The following ARAP1 variants were observed in gnomAD, a reference collection of about 807,000 sequenced individuals.
ARAP1 encodes the protein arf-GAP with Rho-GAP domain, ANK repeat and PH domain-containing protein 1.
ARAP1 carries 76 observed loss-of-function variants against 172.2 expected under a neutral mutation model. The ratio of observed to expected loss-of-function variants is 0.44; its 90% CI spans 0.37 to 0.53. ARAP1 has a LOEUF of 0.53. ARAP1 is among the 20% of genes least tolerant of loss of function. The probability of loss-of-function intolerance (pLI) is 0.00; values close to 1 mark genes in which losing one functional copy is unlikely to be tolerated. For missense variants in ARAP1, 1,686 were observed against 1,977.5 expected (o/e 0.85, Z 2.80); for synonymous variants, 804 against 803.3 (o/e 1.00, Z -0.01).
intron 1 of ARAP1, among the ~76,000 whole-genome samples, chr11:72,746,158 C>A (rs1319545879): frequency 6.6e-6 from 1 of 152,140 alleles, no homozygotes; most frequent in Non-Finnish European, 1.5e-5. Context: ...ACCAGCCCTC[C>A]CCAACCCCGC....
chr11:72,701,831 G>A (rs773702330), intron 15 of ARAP1, 48 bp from the exon 16 acceptor site: 2 of 1,600,624 alleles, frequency 1.2e-6, no homozygotes, highest in South Asian at 1.1e-5. Flanking sequence ...CACCCAAGAG[G>A]GTGTCCCCAC....
At position 72,697,906 on chromosome 11, in the gene ARAP1, C is replaced by T. The variant is rs547275619; in HGVS notation, c.2737+5G>A. 2.5e-6 allele frequency: 4 copies of T among 1,588,302 alleles called. No individual in the cohort carries two copies. The highest frequency in any genetic ancestry group is 1.3e-5 in the African/African-American group (1 of 74,428). On this transcript the variant is annotated splice_donor_5th_base_variant and intron_variant, in intron 19 of 34. Coordinates refer to ENST00000393609, the MANE Select transcript of ARAP1 (RefSeq NM_001040118.3). ...AGGCTGGGGGCCCAGGTCTGGTCCACGCACAAAGCTCCTGCAGTTTCCGTA... is the reference window on the plus strand; with the variant it reads ...AGGCTGGGGGCCCAGGTCTGGTCCATGCACAAAGCTCCTGCAGTTTCCGTA...
Position 72,687,441 on chromosome 11 carries a change from G to T in ARAP1, c.4183C>A (p.Gln1395Lys). Residue 1395 changes from glutamine to lysine, a missense_variant and splice_region_variant, in exon 33 of 35, where the codon CAG becomes AAG. Physicochemically the swap from Gln to Lys is moderately conservative, Grantham distance 53. Transcript: ENST00000393609. Reference sequence around the variant, plus strand: ...ACCCCACACTCTGCACCTGGTACCTGCACAAACAGAAAGGTAGCGAACCAC... The same window carrying T: ...ACCCCACACTCTGCACCTGGTACCTTCACAAACAGAAAGGTAGCGAACCAC... ...REWFATFLFVQHDGLVWPSEP... is the reference protein window; with the variant it reads ...REWFATFLFVKHDGLVWPSEP... The T allele has an allele frequency of 6.2e-7, 1 of 1,614,178 alleles. No individual in the cohort carries two copies. The highest frequency in any genetic ancestry group is 1.1e-5 in the South Asian group (1 of 91,090).
chr11:72,704,095 A>C, intron 14 of ARAP1, 57 bp downstream of exon 14: 1 of 1,604,440 alleles, frequency 6.2e-7, no homozygotes, highest in Non-Finnish European at 8.5e-7. Flanking sequence ...CATGAGGAAC[A>C]GGGCAGCAGA....
chr11:72,697,057 A>G lies in ARAP1; in HGVS notation c.3092T>C (p.Leu1031Pro). ...AGGCAGGTCGCGCAGGAAGCGCTTG[A>G]GCGCCGAGGAAACATCATCCACGTG... ...EQHVDDVSSALKRFLRDLPDG... is the reference protein window; with the variant it reads ...EQHVDDVSSAPKRFLRDLPDG... Residue 1031 changes from leucine (L) to proline (P), a missense_variant, in exon 22 of 35, where the codon CTC becomes CCC. Around this residue, in one of 5 missense-constraint regions of ARAP1, gnomAD observed 274 missense variants for 262.7 expected, o/e 1.04. Transcript: ENST00000393609. 1 of 1,610,332 alleles carries G rather than the reference A, an allele frequency of 6.2e-7. No homozygotes were observed. Among genetic ancestry groups the G allele is most frequent in the Non-Finnish European group, 8.5e-7 (1 of 1,179,934 alleles).
At chr11:72,749,486 T>C (rs1013613501) in intron 1 of ARAP1, among the ~76,000 whole-genome samples, 1 of 152,206 alleles carries the variant, frequency 6.6e-6, no homozygotes, top group Admixed American at 6.5e-5. Flanking sequence ...ACTTCCACTA[T>C]GATATTGGAG....
intron 33 of ARAP1, among the ~76,000 whole-genome samples, chr11:72,686,430 C>T (rs1039085085): frequency 1.1e-4 from 17 of 152,146 alleles, no homozygotes; most frequent in African/African-American, 4.1e-4. Flanking sequence ...CCTCCAAGAA[C>T]CAAGAAAACA....
Position 72,693,777 on chromosome 11 carries a change from C to G in ARAP1, c.3723G>C (p.Val1241=). The part of the protein sequence containing the change: ...AERPLHFAEK[V]LPILHGLGTD... The stretch of plus-strand genomic sequence containing the variant: ...TGCCCAGCCCGTGCAGGATGGGCAG[C>G]ACCTTCTCCGCAAAGTGCAGGGGGC... Residue 1241 remains valine (V), a synonymous_variant, in exon 28 of 35, where the codon GTG becomes GTC. Coordinates refer to ENST00000393609, the MANE Select transcript of ARAP1 (RefSeq NM_001040118.3). This position sits in a 1 kb window ranked among gnomAD's most constrained non-coding sequence, Gnocchi z 4.6. 6.2e-7 allele frequency: 1 copy of G among 1,608,338 alleles called. No individual in the cohort carries two copies. The highest frequency in any genetic ancestry group is 1.7e-4 in the Middle Eastern group (1 of 6,048).
At chr11:72,727,861 C>A (rs1052998855) in intron 2 of ARAP1, among the ~76,000 whole-genome samples, 1 of 152,206 alleles carries the variant, frequency 6.6e-6, no homozygotes, top group South Asian at 2.1e-4. Flanking sequence ...TCAGGCTCTA[C>A]CCCTGCACCC....
chr11:72,735,727 T>C (rs1280841730), intron 1 of ARAP1, among the ~76,000 whole-genome samples: 1 of 152,182 alleles, frequency 6.6e-6, no homozygotes, highest in Non-Finnish European at 1.5e-5. Flanking sequence ...AGGAAACTAC[T>C]TATCTCCCTG....
intron 2 of ARAP1, among the ~76,000 whole-genome samples, chr11:72,728,384 C>T (rs190093544): frequency 6.6e-6 from 1 of 152,232 alleles, no homozygotes; most frequent in Admixed American, 6.5e-5. Context: ...AGTTTCAGAC[C>T]AGCCTGGGCA....
chr11:72,685,949 A>C (rs745761238), intron 34 of ARAP1, 93 bp downstream of exon 34: 4 of 1,604,818 alleles, frequency 2.5e-6, no homozygotes, highest in Non-Finnish European at 3.4e-6. Context: ...GCAATCGGGG[A>C]GGGCAATCAG....
chr11:72,697,721 GCA>G, intron 19 of ARAP1, 72 bp from the exon 20 acceptor site: 7 of 1,595,802 alleles, frequency 4.4e-6, no homozygotes, highest in Non-Finnish European at 5.1e-6. Context: ...CCCTCTGTGA[GCA>G]CACACACACC....
intron 33 of ARAP1, 112 bp from the exon 34 acceptor site, chr11:72,686,303 C>A (rs1855681466): frequency 1.4e-6 from 2 of 1,384,954 alleles, no homozygotes; most frequent in African/African-American, 2.9e-5. Context: ...GAGATGACAC[C>A]CTCAGCTTTG....
At chr11:72,704,536 G>C in intron 13 of ARAP1, 1 of 581,032 alleles carries the variant, frequency 1.7e-6, no homozygotes, top group Non-Finnish European at 3.0e-6. Flanking sequence ...CTGAGCCTAG[G>C]TCTCAGGCTC....
At chr11:72,696,941 G>C in intron 22 of ARAP1, 42 bp downstream of exon 22, 1 of 1,570,258 alleles carries the variant, frequency 6.4e-7, no homozygotes, top group Non-Finnish European at 8.6e-7. Context: ...CCGGAGGGAT[G>C]GGTGGAGGAG....
intron 3 of ARAP1, among the ~76,000 whole-genome samples, chr11:72,723,780 G>T (rs892641347): frequency 5.9e-5 from 9 of 152,170 alleles, no homozygotes; most frequent in African/African-American, 2.2e-4. Flanking sequence ...GGCCTATTAG[G>T]CATCCAGCAC....
intron 18 of ARAP1, 83 bp from the exon 19 acceptor site, chr11:72,698,189 A>G: frequency 7.0e-7 from 1 of 1,427,716 alleles, no homozygotes; most frequent in Non-Finnish European, 9.3e-7. Flanking sequence ...TTACAGGCAC[A>G]TGCCCTCTTC....
chr11:72,685,836 G>T, intron 34 of ARAP1, 155 bp from the exon 35 acceptor site: 1 of 1,338,622 alleles, frequency 7.5e-7, no homozygotes, highest in South Asian at 1.2e-5. Context: ...AGGCAGAGGG[G>T]ACTCCCAGCT....
Sources: allele counts gnomAD v4.1 joint callset (sites outside exome capture counted in the v4.1 genomes callset), GRCh38; gene constraint gnomAD v4.1.1; regional missense constraint gnomAD v4.1.1; non-coding constraint Gnocchi (gnomAD v3.1); transcripts MANE v1.5; gene names NCBI Gene and HGNC (gene_info 2026-07-23, HGNC 2026-07-21).